The following PARD3 variants were observed in gnomAD, a reference collection of about 807,000 sequenced individuals.
PARD3 encodes par-3 family cell polarity regulator, also known as partitioning defective 3 homolog.
Under a neutral mutation model 155.4 loss-of-function variants are expected in PARD3, and 75 were observed. The observed-to-expected ratio is 0.48, with a 90% CI of 0.40 to 0.58. PARD3 has a LOEUF of 0.58. PARD3 is among the 20% of genes least tolerant of loss of function. PARD3 has a pLI of 0.00. For synonymous variants in PARD3, 576 were observed against 610.5 expected (o/e 0.94, Z 0.83); for missense variants, 1,642 against 1,721.7 (o/e 0.95, Z 0.82).
chr10:34,597,248 C>T (rs1168238188), intron 2 of PARD3, among the ~76,000 whole-genome samples: 3 of 151,782 alleles, frequency 2.0e-5, no homozygotes, highest in Non-Finnish European at 4.4e-5. Context: ...AGCATAACTG[C>T]ACCTCCTCCT....
At position 34,405,586 on chromosome 10, in the gene PARD3, G is replaced by A. The variant is rs572213745; in HGVS notation, c.715-3669C>T. ...GGCAAGAAGAAGAAAACTTTGTGGG[G>A]TGGTGGTTGAAGACATTTTCAGAGA... On this transcript the variant is annotated intron_variant, in intron 5 of 24. Coordinates refer to ENST00000374788, the MANE Select transcript of PARD3 (RefSeq NM_001184785.2). Among the ~76,000 whole-genome samples, 109 of 152,278 alleles carry A rather than the reference G, an allele frequency of 7.2e-4. 3 individuals carry two copies. The South Asian group carries it at 0.022, about 31-fold the overall frequency.
At chr10:34,124,998 G>A (rs569469278) in intron 23 of PARD3, among the ~76,000 whole-genome samples, 1 of 152,154 alleles carries the variant, frequency 6.6e-6, no homozygotes, top group South Asian at 2.1e-4. Flanking sequence ...CTGACTTTGC[G>A]ACAGTACAGA....
chr10:34,697,761 A>T (rs2094200501), intron 1 of PARD3, among the ~76,000 whole-genome samples: 1 of 120,396 alleles, frequency 8.3e-6, no homozygotes, highest in Non-Finnish European at 1.7e-5. Flanking sequence ...TAAGTTTGTA[A>T]AACAAACACT....
intron 2 of PARD3, among the ~76,000 whole-genome samples, chr10:34,617,557 A>G (rs2091341515): frequency 6.6e-6 from 1 of 152,262 alleles, no homozygotes; most frequent in Admixed American, 6.5e-5. Context: ...ACCATTACAC[A>G]TCACTTAAAT....
At chr10:34,221,939 T>C (rs1329985543) in intron 22 of PARD3, among the ~76,000 whole-genome samples, 3 of 152,242 alleles carry the variant, frequency 2.0e-5, no homozygotes, top group Non-Finnish European at 2.9e-5. Context: ...CTCTTACATT[T>C]GCTTTAAAAC....
chr10:34,375,703 A>G (rs984897343), intron 10 of PARD3, among the ~76,000 whole-genome samples: 2 of 152,300 alleles, frequency 1.3e-5, no homozygotes, highest in Admixed American at 6.5e-5. Context: ...AAATGAGAGC[A>G]TATGTTTCCT....
intron 22 of PARD3, among the ~76,000 whole-genome samples, chr10:34,256,151 G>A (rs964704264): frequency 3.9e-5 from 6 of 152,154 alleles, no homozygotes; most frequent in East Asian, 1.9e-4. Context: ...CAACATATTC[G>A]CTAATTATTC....
At chr10:34,769,660 A>G (rs1268428555) in intron 1 of PARD3, among the ~76,000 whole-genome samples, 1 of 151,878 alleles carries the variant, frequency 6.6e-6, no homozygotes, top group Non-Finnish European at 1.5e-5. Flanking sequence ...CAGGAGGCTG[A>G]AGTGGGAGGA....
intron 3 of PARD3, among the ~76,000 whole-genome samples, chr10:34,508,717 G>C (rs971460274): frequency 6.6e-6 from 1 of 152,162 alleles, no homozygotes; most frequent in Non-Finnish European, 1.5e-5. Flanking sequence ...ATTTGACTCT[G>C]TAAAAGTTCC....
rs1032373513 is a variant in PARD3, at chr10:34,756,531, T to C, written c.120+58345A>G. On this transcript the variant is annotated intron_variant, in intron 1 of 24. Coordinates refer to ENST00000374788, the MANE Select transcript of PARD3 (RefSeq NM_001184785.2). ...CTCTGTTGCCTAGGCTGTGGCGTAGTGGTAGTCCTGAACGCCTGAGCTCAA... is the reference window on the plus strand; with the variant it reads ...CTCTGTTGCCTAGGCTGTGGCGTAGCGGTAGTCCTGAACGCCTGAGCTCAA... Among the ~76,000 whole-genome samples the C allele has an allele frequency of 1.0e-4, 14 of 138,814 alleles. No homozygotes were observed. The East Asian group carries it at 1.1e-3, about 11-fold the overall frequency. The allele number at this position is 138,814 out of a possible 152,430, so 91.1% of individuals were successfully genotyped here.
intron 22 of PARD3, among the ~76,000 whole-genome samples, chr10:34,139,644 T>C (rs1205715082): frequency 6.6e-6 from 1 of 152,180 alleles, no homozygotes; most frequent in East Asian, 1.9e-4. Context: ...AGGGCAGACC[T>C]GTCATGAAGC....
At chr10:34,636,036 GAAGA>G (rs940762788) in intron 2 of PARD3, among the ~76,000 whole-genome samples, 15 of 150,514 alleles carry the variant, frequency 1.0e-4, no homozygotes, top group African/African-American at 2.4e-4. Flanking sequence ...AAAAGAAGAA[GAAGA>G]AAGAAAGAAA....
chr10:34,814,182 A>AGTAAAT (rs1225346937), intron 1 of PARD3, among the ~76,000 whole-genome samples: 2 of 152,194 alleles, frequency 1.3e-5, no homozygotes, highest in African/African-American at 4.8e-5. Flanking sequence ...AAGTGGGATC[A>AGTAAAT]GCTCAGTAAA....
intron 23 of PARD3, among the ~76,000 whole-genome samples, chr10:34,120,040 G>T (rs1946905784): frequency 9.8e-6 from 1 of 102,016 alleles, no homozygotes; most frequent in African/African-American, 4.6e-5. Flanking sequence ...TTTTAGAGAT[G>T]GGATCTCACT....
At chr10:34,681,436 G>A (rs1263525698) in intron 2 of PARD3, among the ~76,000 whole-genome samples, 1 of 151,782 alleles carries the variant, frequency 6.6e-6, no homozygotes, top group African/African-American at 2.4e-5. Flanking sequence ...CCCATCTGGA[G>A]GCTGACCTGA....
At chr10:34,271,444 G>A (rs1359741095) in intron 21 of PARD3, among the ~76,000 whole-genome samples, 1 of 152,074 alleles carries the variant, frequency 6.6e-6, no homozygotes, top group African/African-American at 2.4e-5. Context: ...ACAGATCAAA[G>A]AAGAAAAGTT....
intron 1 of PARD3, among the ~76,000 whole-genome samples, chr10:34,794,762 T>C (rs1457296771): frequency 1.2e-4 from 18 of 152,254 alleles, no homozygotes; most frequent in Non-Finnish European, 1.5e-5. Context: ...CTTCTTAAGT[T>C]TGTCAGCTTC....
chr10:34,470,415 T>C (rs2078274537), intron 3 of PARD3, 152 bp from the exon 4 acceptor site: 1 of 535,768 alleles, frequency 1.9e-6, no homozygotes, highest in East Asian at 3.3e-5. Flanking sequence ...CACAAATTCC[T>C]TTAGGTCCTT....
intron 2 of PARD3, among the ~76,000 whole-genome samples, chr10:34,603,182 C>T (rs2089938270): frequency 6.6e-6 from 1 of 152,158 alleles, no homozygotes; most frequent in South Asian, 2.1e-4. Context: ...TTACCCCTGG[C>T]TGACAGGTTG....
Sources: allele counts gnomAD v4.1 joint callset (sites outside exome capture counted in the v4.1 genomes callset), GRCh38; gene constraint gnomAD v4.1.1; transcripts MANE v1.5; gene names NCBI Gene and HGNC (gene_info 2026-07-23, HGNC 2026-07-21).